The following IGSF9 variants were observed in gnomAD, a reference collection of about 807,000 sequenced individuals.
The protein encoded by IGSF9 is immunoglobulin superfamily member 9.
Under a neutral mutation model 121.7 loss-of-function variants are expected in IGSF9, and 87 were observed. The ratio of observed to expected loss-of-function variants is 0.71; its 90% CI spans 0.60 to 0.85. IGSF9 has a LOEUF of 0.85. Among genes scored for constraint, IGSF9 ranks in the 40% least tolerant of loss-of-function variants. IGSF9 has a pLI of 0.00. For synonymous variants in IGSF9, 640 were observed against 648.4 expected (o/e 0.99, Z 0.20); for missense variants, 1,462 against 1,565.3 (o/e 0.93, Z 1.11).
chr1:159,929,095 G>T, intron 18 of IGSF9, 77 bp from the exon 19 acceptor site: 1 of 1,471,202 alleles, frequency 6.8e-7, no homozygotes, highest in Non-Finnish European at 9.1e-7. Context: ...GCCTTGAGAG[G>T]TTTGGTGAAC....
chr1:159,935,718 G>A (rs1035037900), intron 6 of IGSF9, among the ~76,000 whole-genome samples: 6 of 152,240 alleles, frequency 3.9e-5, no homozygotes, highest in Non-Finnish European at 7.3e-5. Flanking sequence ...CAAAAGCTTT[G>A]TGGTGGGAAT....
intron 5 of IGSF9, 57 bp downstream of exon 5, chr1:159,936,697 G>C (rs1482249318): frequency 1.3e-6 from 2 of 1,592,584 alleles, no homozygotes; most frequent in Admixed American, 1.7e-5. Flanking sequence ...CCACTGCCAG[G>C]CCCCCACCTT....
Position 159,943,247 on chromosome 1 carries a change from G to A in IGSF9, c.59-96C>T, listed in dbSNP as rs184460917. On this transcript the variant is annotated intron_variant, in intron 2 of 20. Coordinates refer to ENST00000368094, the MANE Select transcript of IGSF9 (RefSeq NM_001135050.2). ...ATCTCTGTAGGCACCTTAGGACTTT[G>A]GGTGACTGGAGAAACCCCCAGTTCA... The A allele has an allele frequency of 6.8e-4, 894 of 1,318,940 alleles. 4 individuals carry two copies. The highest frequency in any genetic ancestry group is 4.2e-4 in the Non-Finnish European group (405 of 974,370). 81.7% of individuals were successfully genotyped at this position (1,318,940 alleles called of 1,614,324 possible).
chr1:159,931,235 C>A lies in IGSF9; in HGVS notation c.1540G>T (p.Val514Leu). ...LGTSPHVVTN[V>L]SVVALPKGAN... is the part of the protein sequence containing the mutation. ...CCCTTGGGCAAAGCCACCACGGACA[C>A]ATTGGTGACAACATGAGGGCTAGTG... The change falls in exon 13 of 21, where the codon GTG becomes TTG. Residue 514 changes from valine (V) to leucine (L), a missense_variant. Transcript: ENST00000368094. The surrounding 1 kb of genome is among the most constrained non-coding windows in gnomAD (Gnocchi z 4.8). The A allele has an allele frequency of 6.2e-7, 1 of 1,614,122 alleles. No homozygotes were observed. Among genetic ancestry groups the A allele is most frequent in the Non-Finnish European group, 8.5e-7 (1 of 1,179,998 alleles).
chr1:159,930,210 C>T lies in IGSF9; in HGVS notation c.2043G>A (p.Leu681=), dbSNP rs1334797542. Residue 681 remains leucine (L), a synonymous_variant, in exon 15 of 21, where the codon CTG becomes CTA. Coordinates refer to ENST00000368094, the MANE Select transcript of IGSF9 (RefSeq NM_001135050.2). The part of the protein sequence containing the change: ...DPAVAGTETE[L]LVPGLIKDVL... The stretch of plus-strand genomic sequence containing the variant: ...ATACCTTGATGAGGCCTGGCACCAG[C>T]AGCTCTGTTTCTGTGCCTGCCACAG... 1 of 1,611,090 alleles carries T rather than the reference C, an allele frequency of 6.2e-7. No individual in the cohort carries two copies. Among genetic ancestry groups the T allele is most frequent in the Non-Finnish European group, 8.5e-7 (1 of 1,178,470 alleles).
At chr1:159,929,575 G>C (rs1650895228) in intron 17 of IGSF9, 63 bp downstream of exon 17, 12 of 1,532,454 alleles carry the variant, frequency 7.8e-6, no homozygotes, top group Non-Finnish European at 1.1e-5. Flanking sequence ...CCCCCAGGTA[G>C]GAGGGGCTTA....
In IGSF9 at chr1:159,936,784, C is replaced by G; in HGVS notation, c.525G>C (p.Lys175Asn). Residue 175 changes from lysine (K) to asparagine (N), a missense_variant, in exon 5 of 21, where the codon AAG (lysine) becomes AAC (asparagine). Transcript: ENST00000368094. ...LPHVTWKLRG[K>N]DLGQGQGQVQ... ...CCTGGCCCTGGCCCTGGCCAAGGTC[C>G]TTTCCTCGGAGCTTCCACGTCACAT... The G allele has an allele frequency of 6.2e-7, 1 of 1,614,242 alleles. No homozygotes were observed. The highest frequency in any genetic ancestry group is 8.5e-7 in the Non-Finnish European group (1 of 1,180,034).
At chr1:159,936,944 G>A (rs1399696796) in intron 4 of IGSF9, 36 bp from the exon 5 acceptor site, 1 of 1,609,316 alleles carries the variant, frequency 6.2e-7, no homozygotes, top group Non-Finnish European at 8.5e-7. Flanking sequence ...CCCCAGTGGG[G>A]CTGTCAGCCC....
chr1:159,928,967 C>A lies in IGSF9; in HGVS notation c.2421G>T (p.Gln807His). ...SPDSVAKLKL[Q>H]GSPVPSLRQS... ...GGCGCAGGCTGGGGACTGGGGATCC[C>A]TGGAGCTTCAGCTTCGCCACGCTGT... Residue 807 changes from glutamine to histidine, a missense_variant, in exon 19 of 21, where the codon CAG (glutamine) becomes CAT (histidine). Physicochemically the swap from Gln to His is conservative, Grantham distance 24 (BLOSUM62 0). Coordinates refer to ENST00000368094, the MANE Select transcript of IGSF9 (RefSeq NM_001135050.2). The A allele has an allele frequency of 6.6e-7, 1 of 1,521,802 alleles. No homozygotes were observed. 94.3% of individuals were successfully genotyped at this position (1,521,802 alleles called of 1,614,324 possible).
intron 15 of IGSF9, 34 bp downstream of exon 15, chr1:159,930,155 G>A: frequency 1.9e-6 from 3 of 1,572,806 alleles, no homozygotes; most frequent in African/African-American, 1.4e-5. Context: ...AGAGCCCCTA[G>A]GAGGCCTCTC....
At position 159,931,434 on chromosome 1, in the gene IGSF9, CCTCT is replaced by C. The variant is rs1327068901; in HGVS notation, c.1513+15_1513+18del. ...CAAGTAGTTTCTCCCAGCCCCTGGC[CCTCT>C]CTCCAGCCACTAACCCAGCACGTAG... On this transcript the variant is annotated intron_variant, in intron 12 of 20. Coordinates refer to ENST00000368094, the MANE Select transcript of IGSF9 (RefSeq NM_001135050.2). The surrounding 1 kb of genome is among the most constrained non-coding windows in gnomAD (Gnocchi z 4.8). 3.1e-6 allele frequency: 5 copies of C among 1,608,936 alleles called. No homozygotes were observed. Among genetic ancestry groups the C allele is most frequent in the East Asian group, 2.2e-5 (1 of 44,704 alleles).
In IGSF9 at chr1:159,931,740, A is replaced by C. The variant is rs1197816449; in HGVS notation, c.1362+72T>G. On this transcript the variant is annotated intron_variant, in intron 11 of 20. Transcript: ENST00000368094. This position sits in a 1 kb window ranked among gnomAD's most constrained non-coding sequence, Gnocchi z 4.8. The stretch of plus-strand genomic sequence containing the variant: ...CTCCTTCCCACACCCTCCCTCCCAC[A>C]AAATGGCTGGGGCACGAGAGGCAGG... 1 of 1,468,534 alleles carries C rather than the reference A, an allele frequency of 6.8e-7. No homozygotes were observed. Among genetic ancestry groups the C allele is most frequent in the African/African-American group, 1.4e-5 (1 of 71,732 alleles). The allele number at this position is 1,468,534 out of a possible 1,614,324, so 91.0% of individuals were successfully genotyped here. A position where few individuals can be genotyped will look rare whatever the true frequency, so the allele number is the denominator to read the frequency against.
chr1:159,927,097 CAGAGAG>C lies in IGSF9; in HGVS notation c.*242_*247del, dbSNP rs1553225973. 2,644 of 370,210 alleles carry C rather than the reference CAGAGAG, an allele frequency of 7.1e-3. 5 individuals carry two copies. The highest frequency in any genetic ancestry group is 0.014 in the African/African-American group (589 of 42,268). The allele number at this position is 370,210 out of a possible 1,614,324, so 22.9% of individuals were successfully genotyped here. A position where few individuals can be genotyped will look rare whatever the true frequency, so the allele number is the denominator to read the frequency against. On this transcript the variant is annotated 3_prime_UTR_variant, in exon 21 of 21. Coordinates refer to ENST00000368094, the MANE Select transcript of IGSF9 (RefSeq NM_001135050.2). ...AACTTCACACACACACACACACACA[CAGAGAG>C]AGAGAGAGAGAGAGAGAGAGAGAGA... is the stretch of plus-strand genomic sequence containing the variant.
Position 159,943,586 on chromosome 1 carries a change from C to T in IGSF9, c.-132G>A. 1 of 745,778 alleles carries T rather than the reference C, an allele frequency of 1.3e-6. No homozygotes were observed. Among genetic ancestry groups the T allele is most frequent in the African/African-American group, 1.8e-5 (1 of 54,620 alleles). 46.2% of individuals were successfully genotyped at this position (745,778 alleles called of 1,614,324 possible). A position where few individuals can be genotyped will look rare whatever the true frequency, so the allele number is the denominator to read the frequency against. ...TCTTCTGTACAGTGAGGGCTTGGCT[C>T]ATGTAACACCCGAGGAAGCTGCTCT... On this transcript the variant is annotated 5_prime_UTR_variant, in exon 2 of 21. An upstream start codon of the reference 5' UTR is lost. Coordinates refer to ENST00000368094, the MANE Select transcript of IGSF9 (RefSeq NM_001135050.2).
rs34790966 is a variant in IGSF9 at position 159,934,480 on chromosome 1, C to T, written c.906G>A (p.Val302=). Residue 302 remains valine (V), a synonymous_variant, in exon 8 of 21, where the codon GTG becomes GTA. Transcript: ENST00000368094. ...GTGGATGCAGGAGGCCATTGCTGGG[C>T]ACACAGGTGTAGCAGCCGGCATCAT... ...QPDDAGCYTC[V]PSNGLLHPPS... is the part of the protein sequence containing the mutation. The T allele has an allele frequency of 0.024, 38,663 of 1,608,582 alleles. 883 individuals are homozygous for T. The highest frequency in any genetic ancestry group is 0.098 in the South Asian group (8,858 of 90,272).
rs1486384268 is a variant in IGSF9 at position 159,942,976 on chromosome 1, G to A, written c.234C>T (p.Asp78=). 7 of 1,613,066 alleles carry A rather than the reference G, an allele frequency of 4.3e-6. No homozygotes were observed. Among genetic ancestry groups the A allele is most frequent in the Non-Finnish European group, 5.9e-6 (7 of 1,179,536 alleles). The change falls in exon 3 of 21, where the codon GAC becomes GAT. Residue 78 remains aspartate, a synonymous_variant. Transcript: ENST00000368094. ...GAGAACTCTTACCCACGTAATCAGG[G>A]TCAATTCGGGGAGAGTAGAGGCCGA... ...IQFGLYSPRI[D]PDYVGRVRLQ...
intron 15 of IGSF9, 103 bp downstream of exon 15, chr1:159,930,086 G>A: frequency 1.3e-6 from 2 of 1,547,496 alleles, no homozygotes; most frequent in Non-Finnish European, 1.8e-6. Flanking sequence ...AGGACGCAGA[G>A]GTGAAGAGCT....
At position 159,931,909 on chromosome 1, in the gene IGSF9, T is replaced by A; in HGVS notation, c.1265A>T (p.Glu422Val). ...TTGGAAATATTCTTCCTTGGGCCGCTCTATAAAAGCTGGGGGAGCCTGCAA... is the reference window on the plus strand; with the variant it reads ...TTGGAAATATTCTTCCTTGGGCCGCACTATAAAAGCTGGGGGAGCCTGCAA... ...VLLKAPPAFI[E>V]RPKEEYFQEV... Residue 422 changes from glutamate to valine, a missense_variant, in exon 11 of 21, where the codon GAG becomes GTG. Around this residue, in one of 3 missense-constraint regions of IGSF9, gnomAD observed 558 missense variants for 599.4 expected, o/e 0.93. Transcript: ENST00000368094. The surrounding 1 kb of genome is among the most constrained non-coding windows in gnomAD (Gnocchi z 4.8). 6.3e-7 allele frequency: 1 copy of A among 1,594,456 alleles called. No homozygotes were observed. Among genetic ancestry groups the A allele is most frequent in the Non-Finnish European group, 8.5e-7 (1 of 1,174,334 alleles).
chr1:159,927,638 CACAGTCTAG>C, intron 20 of IGSF9, 112 bp from the exon 21 acceptor site: 1 of 1,541,054 alleles, frequency 6.5e-7, no homozygotes, highest in Non-Finnish European at 8.8e-7. Flanking sequence ...GGGGGCAAGG[CACAGTCTAG>C]AGCAGAGGAG....
Sources: gnomAD v4.1 joint callset for allele counts (sites outside exome capture counted in the v4.1 genomes callset) on GRCh38, gnomAD v4.1.1 for gene constraint, gnomAD v4.1.1 regional missense constraint, Gnocchi (gnomAD v3.1) non-coding constraint, MANE v1.5 for transcripts, NCBI Gene and HGNC (gene_info 2026-07-23, HGNC 2026-07-21) for gene names.